The following KCNIP4 variants were observed in gnomAD, a reference collection of about 807,000 sequenced individuals.
The protein encoded by KCNIP4 is potassium voltage-gated channel interacting protein 4.
Under a neutral mutation model 34.0 loss-of-function variants are expected in KCNIP4, and 12 were observed. That is an observed-to-expected ratio of 0.35 (90% CI 0.23 to 0.57). The LOEUF is 0.57. KCNIP4 is among the 20% of genes least tolerant of loss of function. The pLI, the probability that KCNIP4 is intolerant of heterozygous loss-of-function variation, is 0.83. For missense variants in KCNIP4, 238 were observed against 311.7 expected, an observed-to-expected ratio of 0.76 and a Z score of 1.78; for synonymous variants, 124 against 102.2, an observed-to-expected ratio of 1.21 and a Z score of -1.29.
chr4:21,523,175 G>C (rs184367441), intron 1 of KCNIP4, among the ~76,000 whole-genome samples: 1 of 152,258 alleles, frequency 6.6e-6, no homozygotes, highest in East Asian at 1.9e-4. Context: ...TCTAGAAACT[G>C]TGAGAAGTAA....
intron 1 of KCNIP4, among the ~76,000 whole-genome samples, chr4:21,446,628 G>A (rs1218664290): frequency 2.6e-5 from 3 of 117,224 alleles, no homozygotes; most frequent in Non-Finnish European, 5.1e-5. Flanking sequence ...CCTGTTGTGG[G>A]GTGGGGGGAG....
intron 1 of KCNIP4, among the ~76,000 whole-genome samples, chr4:21,019,322 A>AT (rs1309478727): frequency 3.3e-4 from 50 of 151,742 alleles, no homozygotes; most frequent in Admixed American, 1.1e-3. Flanking sequence ...CGTCCGGCTA[A>AT]TTTTTTTGTA....
At chr4:21,942,494 GA>G (rs1312276916) in intron 1 of KCNIP4, among the ~76,000 whole-genome samples, 1 of 152,174 alleles carries the variant, frequency 6.6e-6, no homozygotes, top group Non-Finnish European at 1.5e-5. Flanking sequence ...CTCTTTTTCA[GA>G]AACACTGTAC....
At chr4:21,871,901 G>T (rs1462506616) in intron 1 of KCNIP4, among the ~76,000 whole-genome samples, 1 of 151,550 alleles carries the variant, frequency 6.6e-6, no homozygotes, top group Non-Finnish European at 1.5e-5. Context: ...TCAGGGTTGA[G>T]CCCAGTCTTT....
intron 1 of KCNIP4, among the ~76,000 whole-genome samples, chr4:21,869,690 CTT>C (rs1399958111): frequency 6.6e-6 from 1 of 151,822 alleles, no homozygotes; most frequent in Non-Finnish European, 1.5e-5. Context: ...ATCTCTCTCT[CTT>C]GCTCTTCCCC....
rs141934205 is a variant in KCNIP4, at chr4:20,736,612, G to C, written c.430-1877C>G. On this transcript the variant is annotated intron_variant, in intron 5 of 8. Transcript: ENST00000382152. ...CTAATTATATGGCCTAATATATATA[G>C]AACAGTGTTACATAATGAAAATGAT... 4.1e-3 allele frequency among the ~76,000 whole-genome samples: 626 copies of C among 151,758 alleles called. 9 individuals are homozygous for C. Among genetic ancestry groups the C allele is most frequent in the African/African-American group, 0.014 (592 of 41,346 alleles).
chr4:21,556,732 C>A (rs1739045369), intron 1 of KCNIP4, among the ~76,000 whole-genome samples: 1 of 151,736 alleles, frequency 6.6e-6, no homozygotes, highest in Non-Finnish European at 1.5e-5. Flanking sequence ...ACCTGCCTGG[C>A]CAACATGGTG....
intron 3 of KCNIP4, among the ~76,000 whole-genome samples, chr4:20,781,232 T>A (rs1756843371): frequency 6.6e-6 from 1 of 152,166 alleles, no homozygotes; most frequent in Non-Finnish European, 1.5e-5. Context: ...TGCAAACACA[T>A]TAGAATTTTC....
intron 1 of KCNIP4, among the ~76,000 whole-genome samples, chr4:21,460,298 A>C (rs1729345102): frequency 6.6e-6 from 1 of 151,756 alleles, no homozygotes; most frequent in South Asian, 2.1e-4. Flanking sequence ...AATTTTACCC[A>C]AATGTCATCT....
chr4:21,670,250 G>T (rs1188430682), intron 1 of KCNIP4, among the ~76,000 whole-genome samples: 1 of 152,016 alleles, frequency 6.6e-6, no homozygotes, highest in Non-Finnish European at 1.5e-5. Flanking sequence ...CATAAAAAAT[G>T]ATGAGTTCAT....
At chr4:21,171,993 C>A (rs1312636607) in intron 1 of KCNIP4, among the ~76,000 whole-genome samples, 1 of 152,130 alleles carries the variant, frequency 6.6e-6, no homozygotes, top group Non-Finnish European at 1.5e-5. Context: ...ATCTACTGAG[C>A]ACTTACCATG....
At chr4:21,316,542 C>G (rs765249004) in intron 1 of KCNIP4, 1 of 152,106 alleles carries the variant, frequency 6.6e-6, no homozygotes, top group African/African-American at 2.4e-5. Context: ...TCATTAACAC[C>G]ATGATATAAC....
chr4:21,383,068 C>T (rs1326568227), intron 1 of KCNIP4, among the ~76,000 whole-genome samples: 1 of 152,122 alleles, frequency 6.6e-6, no homozygotes, highest in Non-Finnish European at 1.5e-5. Flanking sequence ...AAGAAGAAAT[C>T]TGGACACATA....
chr4:21,322,410 A>G (rs1388319108), intron 1 of KCNIP4, among the ~76,000 whole-genome samples: 1 of 152,182 alleles, frequency 6.6e-6, no homozygotes, highest in African/African-American at 2.4e-5. Flanking sequence ...TATTAAGTCC[A>G]GGGCTTGTGC....
At chr4:21,182,229 AT>A (rs1421527385) in intron 1 of KCNIP4, among the ~76,000 whole-genome samples, 1 of 152,134 alleles carries the variant, frequency 6.6e-6, no homozygotes, top group Non-Finnish European at 1.5e-5. Context: ...GAAGCTATGA[AT>A]TGGAAGGAAA....
At chr4:21,687,595 T>C (rs1246967515) in intron 1 of KCNIP4, among the ~76,000 whole-genome samples, 2 of 152,182 alleles carry the variant, frequency 1.3e-5, no homozygotes, top group Non-Finnish European at 2.9e-5. Context: ...TATGTTATTT[T>C]AGGTAGTGGT....
At chr4:21,567,788 G>T (rs567883234) in intron 1 of KCNIP4, among the ~76,000 whole-genome samples, 1 of 152,042 alleles carries the variant, frequency 6.6e-6, no homozygotes, top group Non-Finnish European at 1.5e-5. Context: ...TTGTAGTCAC[G>T]ACAATATTGA....
At chr4:21,433,795 G>A (rs1726711480) in intron 1 of KCNIP4, among the ~76,000 whole-genome samples, 1 of 152,044 alleles carries the variant, frequency 6.6e-6, no homozygotes, top group Non-Finnish European at 1.5e-5. Flanking sequence ...GCTAACACTT[G>A]TCACACTTTC....
At chr4:20,783,668 G>A (rs1013843687) in intron 3 of KCNIP4, among the ~76,000 whole-genome samples, 11 of 152,164 alleles carry the variant, frequency 7.2e-5, no homozygotes, top group Admixed American at 5.9e-4. Context: ...AGATTTGGGT[G>A]GAGACACAGA....
Sources: gnomAD v4.1 joint callset for allele counts (sites outside exome capture counted in the v4.1 genomes callset) on GRCh38, gnomAD v4.1.1 for gene constraint, MANE v1.5 for transcripts, NCBI Gene and HGNC (gene_info 2026-07-23, HGNC 2026-07-21) for gene names.